WAPL: variants seen among roughly 807,000 people sequenced by gnomAD.
WAPL encodes the protein wings apart-like protein homolog.
Under a neutral mutation model 121.0 loss-of-function variants are expected in WAPL, and 5 were observed. The observed-to-expected ratio is 0.04, with a 90% confidence interval of 0.02 to 0.09. The LOEUF (loss-of-function observed/expected upper bound fraction) is 0.09, where lower values mean the gene tolerates loss of function less well. Ranked by LOEUF, WAPL falls within the 10% of genes least tolerant of loss-of-function variation. WAPL has a pLI of 1.00. For missense variants in WAPL, 999 were observed against 1,410.8 expected (o/e 0.71, Z 4.68); for synonymous variants, 480 against 481.5 (o/e 1.00, Z 0.04).
At chr10:86,494,143 G>A (rs1842104913) in intron 4 of WAPL, among the ~76,000 whole-genome samples, 1 of 152,162 alleles carries the variant, frequency 6.6e-6, no homozygotes, top group Non-Finnish European at 1.5e-5. Flanking sequence ...ATACTATGTA[G>A]CAGTCAAAAA....
At chr10:86,464,766 G>A (rs772292867) in intron 9 of WAPL, among the ~76,000 whole-genome samples, 1 of 151,880 alleles carries the variant, frequency 6.6e-6, no homozygotes, top group Admixed American at 6.6e-5. Context: ...AACCTGGGAG[G>A]TAGAGGCTGC....
chr10:86,500,448 A>G lies in WAPL; in HGVS notation c.795T>C (p.Asp265=). 6.2e-7 allele frequency: 1 copy of G among 1,614,198 alleles called. No individual in the cohort carries two copies. Among genetic ancestry groups the G allele is most frequent in the Non-Finnish European group, 8.5e-7 (1 of 1,180,046 alleles). ...LDSDPLLEMK[D]DDFKNRLENL... The stretch of plus-strand genomic sequence containing the variant: ...TTTCCAATCGATTTTTAAAATCGTC[A>G]TCCTTCATCTCCAAAAGGGGATCAC... Residue 265 remains aspartate (D), a synonymous_variant, in exon 3 of 19, where the codon GAT becomes GAC. Transcript: ENST00000298767.
intron 17 of WAPL, among the ~76,000 whole-genome samples, chr10:86,439,311 T>G (rs1180794831): frequency 6.6e-6 from 1 of 152,194 alleles, no homozygotes; most frequent in Non-Finnish European, 1.5e-5. Flanking sequence ...TTACACACAT[T>G]CAAACTGATC....
chr10:86,451,225 A>T (rs901710648), intron 15 of WAPL, among the ~76,000 whole-genome samples: 4 of 152,018 alleles, frequency 2.6e-5, no homozygotes, highest in African/African-American at 9.7e-5. Context: ...TACAGGCGTA[A>T]GCCACTGCAC....
intron 4 of WAPL, among the ~76,000 whole-genome samples, chr10:86,482,551 C>T (rs1435629824): frequency 1.3e-5 from 2 of 152,190 alleles, no homozygotes; most frequent in Non-Finnish European, 2.9e-5. Context: ...GGAGAATGGA[C>T]CTGATCCCGA....
chr10:86,455,683 T>TAAAAAAAA (rs539594893), intron 12 of WAPL, among the ~76,000 whole-genome samples: 10 of 29,090 alleles, frequency 3.4e-4, no homozygotes, highest in Non-Finnish European at 6.7e-4. Context: ...CAATAAATAC[T>TAAAAAAAA]AAAAAAAAAA....
chr10:86,517,682 A>G lies in WAPL; in HGVS notation c.388T>C (p.Ser130Pro). Residue 130 changes from serine to proline, a missense_variant, in exon 2 of 19, where the codon TCT becomes CCT. Coordinates refer to ENST00000298767, the MANE Select transcript of WAPL (RefSeq NM_015045.5). The part of the protein sequence containing the change: ...SHVVVEDTVV[S>P]DKCFPLEDTL... ...TCCTCCAAAGGGAAGCATTTATCAG[A>G]AACGACAGTGTCTTCAACGACCACA... The G allele has an allele frequency of 6.2e-7, 1 of 1,614,188 alleles. No individual in the cohort carries two copies. The highest frequency in any genetic ancestry group is 1.7e-4 in the Middle Eastern group (1 of 6,060).
In WAPL at chr10:86,517,655, T is replaced by A; in HGVS notation, c.415A>T (p.Thr139Ser). ...VSDKCFPLED[T>S]LLGKEKSTNR... ...GTGCTCTTTTCTTTCCCAAGTAAAG[T>A]GTCCTCCAAAGGGAAGCATTTATCA... Residue 139 changes from threonine to serine, a missense_variant, in exon 2 of 19, where the codon ACT becomes TCT. By Grantham distance (58) the Thr-to-Ser change is moderately conservative (BLOSUM62 1). This residue lies in a region of WAPL where 531 missense variants were observed against 563.1 expected (regional missense o/e 0.94). Transcript: ENST00000298767. 1 of 1,614,124 alleles carries A rather than the reference T, an allele frequency of 6.2e-7. No individual in the cohort carries two copies. The highest frequency in any genetic ancestry group is 8.5e-7 in the Non-Finnish European group (1 of 1,180,030).
At chr10:86,455,037 C>A (rs969380652) in intron 12 of WAPL, among the ~76,000 whole-genome samples, 2 of 149,790 alleles carry the variant, frequency 1.3e-5, no homozygotes, top group African/African-American at 4.9e-5. Flanking sequence ...CAGCCCCCGC[C>A]CGGCCAGCCG....
chr10:86,519,146 C>A (rs989882917), intron 1 of WAPL, among the ~76,000 whole-genome samples: 2 of 150,398 alleles, frequency 1.3e-5, no homozygotes, highest in Non-Finnish European at 3.0e-5. Flanking sequence ...AAAAAAAAAT[C>A]TTTAGGGCAG....
intron 2 of WAPL, among the ~76,000 whole-genome samples, chr10:86,501,977 C>A (rs1199091080): frequency 6.6e-6 from 1 of 152,222 alleles, no homozygotes; most frequent in Non-Finnish European, 1.5e-5. Flanking sequence ...CAGGCATGAG[C>A]CACCACGTCC....
chr10:86,477,105 T>C (rs1841674769), intron 4 of WAPL, among the ~76,000 whole-genome samples: 1 of 152,178 alleles, frequency 6.6e-6, no homozygotes, highest in Non-Finnish European at 1.5e-5. Flanking sequence ...GGGTTTATTA[T>C]GGGAGGAGAG....
chr10:86,438,378 C>A (rs556567813), intron 17 of WAPL, among the ~76,000 whole-genome samples: 2 of 152,196 alleles, frequency 1.3e-5, no homozygotes, highest in African/African-American at 4.8e-5. Context: ...CTCAGCCTCC[C>A]GGGTAGCCGG....
At chr10:86,501,519 G>A (rs1019876628) in intron 2 of WAPL, among the ~76,000 whole-genome samples, 1 of 152,078 alleles carries the variant, frequency 6.6e-6, no homozygotes, top group African/African-American at 2.4e-5. Flanking sequence ...GAAAAACACT[G>A]ACAAAATGTA....
At chr10:86,492,419 C>A (rs1178916821) in intron 4 of WAPL, among the ~76,000 whole-genome samples, 4 of 152,158 alleles carry the variant, frequency 2.6e-5, no homozygotes, top group Non-Finnish European at 5.9e-5. Context: ...ACTGGACTAG[C>A]ACTCTGAAGT....
chr10:86,521,667 T>C lies in WAPL; in HGVS notation c.-325A>G. On this transcript the variant is annotated 5_prime_UTR_variant, in exon 1 of 19. Coordinates refer to ENST00000298767, the MANE Select transcript of WAPL (RefSeq NM_015045.5). ...GTGCCCCCGCTGGGCCGCCGCCGCC[T>C]CCTGCGCCGCCGCTTCCGCCGGTGA... 2.2e-6 allele frequency: 1 copy of C among 463,156 alleles called. No homozygotes were observed. The highest frequency in any genetic ancestry group is 4.5e-6 in the Non-Finnish European group (1 of 224,292). 28.7% of individuals were successfully genotyped at this position (463,156 alleles called of 1,614,324 possible).
intron 4 of WAPL, among the ~76,000 whole-genome samples, chr10:86,482,708 G>A (rs1161750108): frequency 6.6e-6 from 1 of 152,102 alleles, no homozygotes; most frequent in Non-Finnish European, 1.5e-5. Flanking sequence ...ACAAATTTAG[G>A]CCCCAAATAA....
At chr10:86,474,672 T>G (rs532470083) in intron 4 of WAPL, among the ~76,000 whole-genome samples, 2 of 152,108 alleles carry the variant, frequency 1.3e-5, no homozygotes, top group Non-Finnish European at 2.9e-5. Flanking sequence ...AAGACCAACC[T>G]GGGTGAGCCC....
intron 2 of WAPL, among the ~76,000 whole-genome samples, chr10:86,514,315 C>A (rs1459833640): frequency 6.6e-6 from 1 of 152,190 alleles, no homozygotes; most frequent in African/African-American, 2.4e-5. Flanking sequence ...AACTAACTTG[C>A]ACACATTAGA....
Sources: gnomAD v4.1 joint callset for allele counts (sites outside exome capture counted in the v4.1 genomes callset) on GRCh38, gnomAD v4.1.1 for gene constraint, gnomAD v4.1.1 regional missense constraint, MANE v1.5 for transcripts, NCBI Gene and HGNC (gene_info 2026-07-23, HGNC 2026-07-21) for gene names.